Variants in GRID2 observed in about 807,000 individuals in gnomAD.
The protein encoded by GRID2 is glutamate receptor ionotropic, delta-2.
Under a neutral mutation model 114.8 loss-of-function variants are expected in GRID2, and 33 were observed. The ratio of observed to expected loss-of-function variants is 0.29; its 90% CI spans 0.22 to 0.38. GRID2 has a LOEUF of 0.38. Ranked by LOEUF, GRID2 falls within the 10% of genes least tolerant of loss-of-function variation. The pLI, the probability that GRID2 is intolerant of heterozygous loss-of-function variation, is 1.00. For missense variants in GRID2, 1,184 were observed against 1,257.7 expected (o/e 0.94, Z 0.89); for synonymous variants, 505 against 449.9 (o/e 1.12, Z -1.55).
intron 2 of GRID2, among the ~76,000 whole-genome samples, chr4:92,670,059 T>C (rs1045324757): frequency 2.0e-5 from 3 of 152,050 alleles, no homozygotes; most frequent in African/African-American, 7.2e-5. Context: ...TTCTTCATTC[T>C]CGCTACTGTA....
chr4:93,667,590 G>C (rs1724060816), intron 14 of GRID2, among the ~76,000 whole-genome samples: 1 of 151,906 alleles, frequency 6.6e-6, no homozygotes, highest in South Asian at 2.1e-4. Context: ...AAGAGTCCCA[G>C]GATATACCAT....
intron 3 of GRID2, among the ~76,000 whole-genome samples, chr4:93,100,270 A>G (rs1356502054): frequency 6.6e-6 from 1 of 151,888 alleles, no homozygotes; most frequent in Non-Finnish European, 1.5e-5. Flanking sequence ...CTATTATCAA[A>G]TAGAAATTCA....
At chr4:93,372,309 CAGAG>C (rs936160521) in intron 8 of GRID2, among the ~76,000 whole-genome samples, 34 of 152,198 alleles carry the variant, frequency 2.2e-4, no homozygotes, top group African/African-American at 8.2e-4. Flanking sequence ...TTTGAAAAGA[CAGAG>C]AGGACTTTCC....
At chr4:92,923,271 G>A (rs901171876) in intron 2 of GRID2, among the ~76,000 whole-genome samples, 3 of 152,072 alleles carry the variant, frequency 2.0e-5, no homozygotes, top group Non-Finnish European at 4.4e-5. Flanking sequence ...ATTTTTGTTA[G>A]TGAAGAACTA....
At chr4:93,333,204 T>C (rs1395082087) in intron 8 of GRID2, among the ~76,000 whole-genome samples, 1 of 152,094 alleles carries the variant, frequency 6.6e-6, no homozygotes, top group Non-Finnish European at 1.5e-5. Context: ...AGAGTAGCAC[T>C]TTTTAAACTT....
intron 14 of GRID2, among the ~76,000 whole-genome samples, chr4:93,655,172 A>G (rs1054703222): frequency 6.6e-6 from 1 of 152,188 alleles, no homozygotes; most frequent in African/African-American, 2.4e-5. Flanking sequence ...TCAAATTTCA[A>G]GACTTGCATA....
At chr4:93,338,575 A>G (rs1421576660) in intron 8 of GRID2, among the ~76,000 whole-genome samples, 2 of 152,194 alleles carry the variant, frequency 1.3e-5, no homozygotes, top group Non-Finnish European at 2.9e-5. Context: ...ATAAAGTTTT[A>G]CAGTTTGATT....
rs186369568 is a variant in GRID2, at chr4:93,770,025, G to C, written c.2601+575G>C. Among the ~76,000 whole-genome samples, 12 of 152,184 alleles carry C rather than the reference G, an allele frequency of 7.9e-5. No homozygotes were observed. In the East Asian group the frequency reaches 2.1e-3, roughly 27 times the overall value. On this transcript the variant is annotated intron_variant, in intron 15 of 15. Transcript: ENST00000282020. ...ATTTCAATGTTTCTCCTTTACTGTG[G>C]AGTCAGCTTCACTTCAGGGCCATAT...
At chr4:92,584,021 T>C (rs1728306225) in intron 1 of GRID2, among the ~76,000 whole-genome samples, 1 of 151,632 alleles carries the variant, frequency 6.6e-6, no homozygotes, top group South Asian at 2.1e-4. Flanking sequence ...TGCTTATTGG[T>C]GTCAAAGATA....
chr4:93,713,884 C>T (rs527633629), intron 14 of GRID2, among the ~76,000 whole-genome samples: 1 of 152,126 alleles, frequency 6.6e-6, no homozygotes, highest in African/African-American at 2.4e-5. Flanking sequence ...ATACTGCATC[C>T]TCAATCTATG....
At chr4:92,766,946 C>G (rs903468005) in intron 2 of GRID2, among the ~76,000 whole-genome samples, 1 of 152,206 alleles carries the variant, frequency 6.6e-6, no homozygotes, top group Non-Finnish European at 1.5e-5. Context: ...TTTACTAGGA[C>G]TTTTTAAGTC....
At chr4:92,622,339 T>C (rs576916467) in intron 2 of GRID2, among the ~76,000 whole-genome samples, 44 of 151,842 alleles carry the variant, frequency 2.9e-4, no homozygotes, top group African/African-American at 8.9e-4. Flanking sequence ...AATTTTCTTA[T>C]AACTTTAAGA....
intron 1 of GRID2, among the ~76,000 whole-genome samples, chr4:92,520,009 G>C (rs1320501516): frequency 6.6e-6 from 1 of 151,780 alleles, no homozygotes; most frequent in Non-Finnish European, 1.5e-5. Context: ...GTTTAACCAA[G>C]TATCTAGGCA....
At chr4:93,545,689 G>T (rs1450177719) in intron 13 of GRID2, among the ~76,000 whole-genome samples, 1 of 152,088 alleles carries the variant, frequency 6.6e-6, no homozygotes, top group Non-Finnish European at 1.5e-5. Flanking sequence ...CAGCTATGGT[G>T]GTCTTTATCT....
chr4:92,868,249 G>T (rs760820937), intron 2 of GRID2, among the ~76,000 whole-genome samples: 4 of 151,766 alleles, frequency 2.6e-5, no homozygotes, highest in Non-Finnish European at 5.9e-5. Flanking sequence ...TCTACAACAG[G>T]GTTGGTTTTG....
intron 7 of GRID2, among the ~76,000 whole-genome samples, chr4:93,233,538 T>G (rs915018804): frequency 3.3e-5 from 5 of 151,922 alleles, no homozygotes; most frequent in African/African-American, 4.8e-5. Flanking sequence ...AGACAGGGTT[T>G]CACCATGTTG....
intron 14 of GRID2, among the ~76,000 whole-genome samples, chr4:93,768,466 G>A (rs962965301): frequency 1.3e-5 from 2 of 152,180 alleles, no homozygotes; most frequent in East Asian, 1.9e-4. Flanking sequence ...ACTCTGGGGA[G>A]GGGAAAAAGA....
chr4:92,822,382 C>T, intron 2 of GRID2: 1 of 608,308 alleles, frequency 1.6e-6, no homozygotes, highest in South Asian at 1.4e-5. Flanking sequence ...TCATCTTCAG[C>T]TTGCAGTTAG....
chr4:92,658,617 A>G (rs1006246527), intron 2 of GRID2, among the ~76,000 whole-genome samples: 4 of 151,606 alleles, frequency 2.6e-5, no homozygotes, highest in Admixed American at 1.3e-4. Context: ...TGTACATTAT[A>G]CAAGCCCACC....
Sources: gnomAD v4.1 joint callset for allele counts (sites outside exome capture counted in the v4.1 genomes callset) on GRCh38, gnomAD v4.1.1 for gene constraint, MANE v1.5 for transcripts, NCBI Gene and HGNC (gene_info 2026-07-23, HGNC 2026-07-21) for gene names.